The following ZNRF3 variants were observed in gnomAD, a reference collection of about 807,000 sequenced individuals.
The protein encoded by ZNRF3 is E3 ubiquitin-protein ligase ZNRF3.
In ZNRF3, 23 loss-of-function variants were observed where a neutral mutation model predicts 72.5. The observed-to-expected ratio is 0.32, with a 90% CI of 0.23 to 0.45. The LOEUF is 0.45. Among genes scored for constraint, ZNRF3 ranks in the 20% least tolerant of loss-of-function variants. The pLI, the probability that ZNRF3 is intolerant of heterozygous loss-of-function variation, is 1.00. For synonymous variants in ZNRF3, 610 were observed against 545.3 expected, an observed-to-expected ratio of 1.12 and a Z score of -1.65; for missense variants, 1,169 against 1,272.1, an observed-to-expected ratio of 0.92 and a Z score of 1.23.
At chr22:28,937,174 AATAT>A (rs61520434) in intron 1 of ZNRF3, among the ~76,000 whole-genome samples, 185 of 78,638 alleles carry the variant, frequency 2.4e-3, no homozygotes, top group African/African-American at 8.5e-3. Flanking sequence ...TCTCTCTTAT[AATAT>A]ATATATATAT....
At chr22:28,910,836 C>T (rs1257482478) in intron 1 of ZNRF3, among the ~76,000 whole-genome samples, 1 of 152,198 alleles carries the variant, frequency 6.6e-6, no homozygotes, top group Non-Finnish European at 1.5e-5. Context: ...CTTGGATTTG[C>T]TCCTGCTGGC....
In ZNRF3 at chr22:29,009,109, G is replaced by A. The variant is rs147433399; in HGVS notation, c.426+21908G>A. Among the ~76,000 whole-genome samples the A allele has an allele frequency of 3.3e-5, 5 of 152,310 alleles. No homozygotes were observed. In the East Asian group the frequency reaches 9.6e-4, roughly 29 times the overall value. On this transcript the variant is annotated intron_variant, in intron 2 of 8. Transcript: ENST00000544604. Reference sequence around the variant, plus strand: ...CACTGTGAAGAGGGAATCAGGACAGGATCCTTCAGGTCTTGGCTTAGGCAT... The same window carrying A: ...CACTGTGAAGAGGGAATCAGGACAGAATCCTTCAGGTCTTGGCTTAGGCAT...
rs1048841127 is a variant in ZNRF3, at chr22:29,049,352, G to A, written c.1171G>A (p.Gly391Ser). Residue 391 changes from glycine to serine, a missense_variant, in exon 8 of 9, where the codon GGC (glycine) becomes AGC (serine). By Grantham distance (56) the Gly-to-Ser change is moderately conservative. Coordinates refer to ENST00000544604, the MANE Select transcript of ZNRF3 (RefSeq NM_001206998.2). The surrounding 1 kb of genome is among the most constrained non-coding windows in gnomAD (Gnocchi z 5.2). ...YPTRTSMDSH[G>S]NPVTLLTMDR... The stretch of plus-strand genomic sequence containing the variant: ...TACGAGGACAAGCATGGACTCCCAC[G>A]GCAACCCCGTCACCTTGCTGACCAT... 21 of 1,613,530 alleles carry A rather than the reference G, an allele frequency of 1.3e-5. No individual in the cohort carries two copies. The highest frequency in any genetic ancestry group is 3.3e-5 in the South Asian group (3 of 91,070).
Position 29,050,924 on chromosome 22 carries a change from A to G in ZNRF3, c.2743A>G (p.Ser915Gly), listed in dbSNP as rs773408528. Reference sequence around the variant, plus strand: ...TGCCCTCCAGGACACTCAGGAGTCCAGCACCACTGCCACTGAGGCTGCAGG... The same window carrying G: ...TGCCCTCCAGGACACTCAGGAGTCCGGCACCACTGCCACTGAGGCTGCAGG... Reference protein sequence around the residue: ...PSALQDTQESSTTATEAAGPR... With the variant: ...PSALQDTQESGTTATEAAGPR... Residue 915 changes from serine (S) to glycine (G), a missense_variant, in exon 8 of 9, where the codon AGC becomes GGC. Transcript: ENST00000544604. 2.6e-6 allele frequency: 4 copies of G among 1,527,234 alleles called. No homozygotes were observed. Among genetic ancestry groups the G allele is most frequent in the South Asian group, 2.5e-5 (2 of 79,086 alleles). 94.6% of individuals were successfully genotyped at this position (1,527,234 alleles called of 1,614,324 possible).
At chr22:28,977,351 T>G (rs1323337625) in intron 1 of ZNRF3, among the ~76,000 whole-genome samples, 1 of 152,214 alleles carries the variant, frequency 6.6e-6, no homozygotes, top group Non-Finnish European at 1.5e-5. Context: ...TTCTGTTTGA[T>G]TCTAGATCCA....
intron 8 of ZNRF3, among the ~76,000 whole-genome samples, chr22:29,052,639 G>A (rs1400043638): frequency 1.3e-5 from 2 of 150,918 alleles, no homozygotes; most frequent in Admixed American, 6.6e-5. Context: ...GTTGCAGTGA[G>A]CTGAGATCGC....
chr22:28,940,799 C>G (rs2034931686), intron 1 of ZNRF3, among the ~76,000 whole-genome samples: 1 of 152,140 alleles, frequency 6.6e-6, no homozygotes, highest in Non-Finnish European at 1.5e-5. Flanking sequence ...GATTTACTCT[C>G]CTCCGTAATT....
chr22:28,943,150 C>G (rs2034978781), intron 1 of ZNRF3, among the ~76,000 whole-genome samples: 2 of 152,180 alleles, frequency 1.3e-5, no homozygotes, highest in Admixed American at 1.3e-4. Context: ...GCAGCTGCTG[C>G]TGGTCTGATG....
intron 2 of ZNRF3, among the ~76,000 whole-genome samples, chr22:28,989,571 T>C (rs2035919018): frequency 1.3e-5 from 2 of 152,186 alleles, no homozygotes; most frequent in Non-Finnish European, 2.9e-5. Context: ...ATTTCTTGGC[T>C]CTGAAGAAGC....
At chr22:28,898,213 G>T (rs2034036012) in intron 1 of ZNRF3, among the ~76,000 whole-genome samples, 1 of 152,216 alleles carries the variant, frequency 6.6e-6, no homozygotes, top group African/African-American at 2.4e-5. Context: ...CTCCCAAAGT[G>T]CTGGGATTAC....
chr22:28,946,443 A>G (rs2035053254), intron 1 of ZNRF3, among the ~76,000 whole-genome samples: 1 of 152,252 alleles, frequency 6.6e-6, no homozygotes, highest in Non-Finnish European at 1.5e-5. Flanking sequence ...ACTCAGTACA[A>G]TAATGTGTCA....
intron 1 of ZNRF3, among the ~76,000 whole-genome samples, chr22:28,910,038 C>CT (rs200106075): frequency 0.027 from 3,896 of 145,298 alleles, 89 homozygotes; most frequent in African/African-American, 0.053. Context: ...TCTCCATTAA[C>CT]TTTTTTTTTT....
intron 1 of ZNRF3, among the ~76,000 whole-genome samples, chr22:28,932,974 C>T (rs116908057): frequency 7.2e-5 from 11 of 152,288 alleles, no homozygotes; most frequent in Non-Finnish European, 1.2e-4. Flanking sequence ...AAGAGCAAAA[C>T]GGCTAATTAT....
At chr22:28,925,644 C>T (rs993283304) in intron 1 of ZNRF3, among the ~76,000 whole-genome samples, 2 of 152,084 alleles carry the variant, frequency 1.3e-5, no homozygotes, top group Admixed American at 6.6e-5. Context: ...TATATTCCAC[C>T]GTTAACATTT....
intron 1 of ZNRF3, among the ~76,000 whole-genome samples, chr22:28,941,478 T>G (rs180979704): frequency 6.6e-6 from 1 of 152,352 alleles, no homozygotes; most frequent in African/African-American, 2.4e-5. Context: ...CTCGTTTTCC[T>G]TTTCTCTTTT....
At chr22:28,886,948 A>C (rs1243198176) in intron 1 of ZNRF3, among the ~76,000 whole-genome samples, 1 of 151,696 alleles carries the variant, frequency 6.6e-6, no homozygotes, top group Non-Finnish European at 1.5e-5. Flanking sequence ...AGAGCGAGAC[A>C]CTCTCTCAAA....
intron 1 of ZNRF3, among the ~76,000 whole-genome samples, chr22:28,928,490 CTTTT>C (rs10710766): frequency 1.1e-4 from 9 of 80,600 alleles, no homozygotes; most frequent in African/African-American, 1.6e-4. Flanking sequence ...CCAGAAATGT[CTTTT>C]TTTTTTTTTT....
chr22:28,997,654 T>C (rs1335920143), intron 2 of ZNRF3, among the ~76,000 whole-genome samples: 6 of 152,122 alleles, frequency 3.9e-5, no homozygotes, highest in Admixed American at 3.9e-4. Flanking sequence ...TACTTTGGGC[T>C]GTTTAACCTC....
intron 1 of ZNRF3, among the ~76,000 whole-genome samples, chr22:28,889,594 TG>T (rs1364477277): frequency 2.6e-5 from 4 of 152,176 alleles, no homozygotes; most frequent in African/African-American, 9.7e-5. Context: ...GACACATGCA[TG>T]GATAAATGAT....
Sources: gnomAD v4.1 joint callset for allele counts (sites outside exome capture counted in the v4.1 genomes callset) on GRCh38, gnomAD v4.1.1 for gene constraint, Gnocchi (gnomAD v3.1) non-coding constraint, MANE v1.5 for transcripts, NCBI Gene and HGNC (gene_info 2026-07-23, HGNC 2026-07-21) for gene names.